Variants in OSBPL9 observed in about 807,000 individuals in gnomAD.
OSBPL9 encodes oxysterol binding protein like 9.
Under a neutral mutation model 106.6 loss-of-function variants are expected in OSBPL9, and 40 were observed. That is an observed-to-expected ratio of 0.38 (90% CI 0.29 to 0.49). The LOEUF (loss-of-function observed/expected upper bound fraction) is 0.49, where lower values mean the gene tolerates loss of function less well. Ranked by LOEUF, OSBPL9 falls within the 20% of genes least tolerant of loss-of-function variation. The probability of loss-of-function intolerance (pLI) is 0.97; values close to 1 mark genes in which losing one functional copy is unlikely to be tolerated. For synonymous variants in OSBPL9, 269 were observed against 295.4 expected, an observed-to-expected ratio of 0.91 and a Z score of 0.92; for missense variants, 609 against 887.2, an observed-to-expected ratio of 0.69 and a Z score of 3.98.
chr1:51,762,301 G>C (rs936238302), intron 11 of OSBPL9, among the ~76,000 whole-genome samples: 2 of 151,914 alleles, frequency 1.3e-5, no homozygotes, highest in Non-Finnish European at 2.9e-5. Flanking sequence ...CAAGTAGCTG[G>C]GACCACAGGC....
At chr1:51,586,304 CT>C (rs567924316) in intron 1 of OSBPL9, among the ~76,000 whole-genome samples, 9 of 151,924 alleles carry the variant, frequency 5.9e-5, no homozygotes, top group South Asian at 2.1e-4. Context: ...TTCTTCTATT[CT>C]TTTTTTATGC....
At chr1:51,702,736 G>T (rs1657580718) in intron 3 of OSBPL9, among the ~76,000 whole-genome samples, 1 of 152,148 alleles carries the variant, frequency 6.6e-6, no homozygotes, top group Admixed American at 6.5e-5. Flanking sequence ...TGTCCTGAAT[G>T]GTATTGCCTA....
At chr1:51,585,229 GTGGGGTGGGTAGCA>G (rs780926512) in intron 1 of OSBPL9, among the ~76,000 whole-genome samples, 26 of 150,732 alleles carry the variant, frequency 1.7e-4, no homozygotes, top group Non-Finnish European at 2.8e-4. Flanking sequence ...GTGGAAGGCA[GTGGGGTGGGTAGCA>G]GGAATAATGC....
Position 51,760,815 on chromosome 1 carries a change from G to T in OSBPL9, c.673+35G>T, listed in dbSNP as rs768086774. Reference sequence around the variant, plus strand: ...GAAAATGTTTCTTAGATTCATTGATGAGAAAAAAATAATTTGTGTGGCTGT... The same window carrying T: ...GAAAATGTTTCTTAGATTCATTGATTAGAAAAAAATAATTTGTGTGGCTGT... On this transcript the variant is annotated intron_variant, in intron 10 of 23. Transcript: ENST00000428468. 11 of 1,602,606 alleles carry T rather than the reference G, an allele frequency of 6.9e-6. No individual in the cohort carries two copies. The South Asian group carries it at 1.1e-4, about 16-fold the overall frequency.
chr1:51,659,713 G>T (rs893286749), intron 2 of OSBPL9, among the ~76,000 whole-genome samples: 54 of 151,874 alleles, frequency 3.6e-4, no homozygotes, highest in Admixed American at 2.0e-3. Flanking sequence ...TAGTAGAGAT[G>T]AAAAATTGTC....
chr1:51,594,518 G>A, intron 1 of OSBPL9, among the ~76,000 whole-genome samples: 1 of 152,186 alleles, frequency 6.6e-6, no homozygotes, highest in East Asian at 1.9e-4. Context: ...TTGTGTTTTT[G>A]AGATGAAGGA....
At chr1:51,748,325 T>C in intron 6 of OSBPL9, 44 bp from the exon 7 acceptor site, 1 of 1,505,986 alleles carries the variant, frequency 6.6e-7, no homozygotes, top group Non-Finnish European at 8.8e-7. Flanking sequence ...CCGTCCTTCT[T>C]TGTGCTTCTG....
intron 4 of OSBPL9, among the ~76,000 whole-genome samples, chr1:51,726,207 C>T (rs1021891964): frequency 1.3e-5 from 2 of 152,130 alleles, no homozygotes; most frequent in African/African-American, 4.8e-5. Flanking sequence ...AGTTGTGATT[C>T]TCTATATTTG....
At chr1:51,557,221 C>T in the OSBPL9 span, among the ~76,000 whole-genome samples, 8 of 152,318 alleles carry the variant, frequency 5.3e-5, no homozygotes, top group East Asian at 1.9e-4. Context: ...CCCAACCAAC[C>T]TTGCCTCCAA....
At chr1:51,761,249 TG>T (rs1671419948) in intron 10 of OSBPL9, among the ~76,000 whole-genome samples, 1 of 148,752 alleles carries the variant, frequency 6.7e-6, no homozygotes, top group Non-Finnish European at 1.5e-5. Flanking sequence ...ATCTGGGTTT[TG>T]TTTTGTTTTT....
intron 4 of OSBPL9, among the ~76,000 whole-genome samples, chr1:51,742,771 A>G (rs941746444): frequency 1.3e-5 from 2 of 152,108 alleles, no homozygotes; most frequent in African/African-American, 4.8e-5. Context: ...ATTAAAAAGG[A>G]TTAATATGAA....
At chr1:51,588,304 C>A (rs185188656) in intron 1 of OSBPL9, among the ~76,000 whole-genome samples, 46 of 152,304 alleles carry the variant, frequency 3.0e-4, no homozygotes, top group Non-Finnish European at 6.3e-4. Flanking sequence ...ATTGCTTGAA[C>A]CTCGGAGGCT....
chr1:51,556,206 G>GT, the OSBPL9 span, among the ~76,000 whole-genome samples: 2 of 152,264 alleles, frequency 1.3e-5, no homozygotes, highest in South Asian at 4.1e-4. Context: ...GCAGTTAATT[G>GT]TCACCCAATA....
intron 4 of OSBPL9, among the ~76,000 whole-genome samples, chr1:51,732,511 A>G (rs6695389): frequency 0.25 from 37,461 of 152,140 alleles, 6,431 homozygotes; most frequent in African/African-American, 0.48. Context: ...ATTCCTCCTT[A>G]AATATTTTAA....
chr1:51,656,832 A>ATT (rs561699669), intron 2 of OSBPL9, among the ~76,000 whole-genome samples: 8 of 145,302 alleles, frequency 5.5e-5, no homozygotes, highest in Admixed American at 6.9e-5. Context: ...GCTAATTAAA[A>ATT]TTTTTTTTTT....
At chr1:51,541,325 G>A in the OSBPL9 span, among the ~76,000 whole-genome samples, 117 of 152,174 alleles carry the variant, frequency 7.7e-4, no homozygotes, top group African/African-American at 2.7e-3. Context: ...CTACTTCATA[G>A]ATCTGTTCAT....
In OSBPL9 at chr1:51,761,255, G is replaced by GTT. The variant is rs57352256; in HGVS notation, c.673+488_673+489dup. Among the ~76,000 whole-genome samples, 211 of 136,884 alleles carry GTT rather than the reference G, an allele frequency of 1.5e-3. 1 individual carries two copies. Among genetic ancestry groups the GTT allele is most frequent in the Admixed American group, 7.9e-3 (109 of 13,730 alleles). 89.8% of individuals were successfully genotyped at this position (136,884 alleles called of 152,430 possible). Reference sequence around the variant, plus strand: ...TCACATGACATCTGGGTTTTGTTTTGTTTTTTTTTTTTTTGTATAAAGCAA... The same window carrying GTT: ...TCACATGACATCTGGGTTTTGTTTTGTTTTTTTTTTTTTTTTGTATAAAGCAA... On this transcript the variant is annotated intron_variant, in intron 10 of 23. Coordinates refer to ENST00000428468, the MANE Select transcript of OSBPL9 (RefSeq NM_024586.6).
chr1:51,534,203 CAA>C, the OSBPL9 span, among the ~76,000 whole-genome samples: 5,808 of 137,424 alleles, frequency 0.042, 153 homozygotes, highest in East Asian at 0.14. Context: ...GACTACATCT[CAA>C]AAAAAAAAAA....
At chr1:51,615,447 T>A (rs1196380243), upstream of OSBPL9, among the ~76,000 whole-genome samples, 1 of 151,956 alleles carries the variant, frequency 6.6e-6, no homozygotes, top group Non-Finnish European at 1.5e-5. Flanking sequence ...AGTCTTTTCC[T>A]TTCTTTCTTT....
Sources: gnomAD v4.1 joint callset for allele counts (sites outside exome capture counted in the v4.1 genomes callset) on GRCh38, gnomAD v4.1.1 for gene constraint, MANE v1.5 for transcripts, NCBI Gene and HGNC (gene_info 2026-07-23, HGNC 2026-07-21) for gene names.